Variants in HPGDS observed in about 807,000 individuals in gnomAD.
HPGDS encodes the protein hematopoietic prostaglandin D synthase.
A neutral mutation model predicts 23.1 loss-of-function variants in HPGDS; 26 were observed. That is an observed-to-expected ratio of 1.13 (90% CI 0.83 to 1.56). HPGDS has a LOEUF of 1.56. Ranked by LOEUF, HPGDS falls within the 40% of genes most tolerant of loss-of-function variation. The pLI is 0.00. For missense variants in HPGDS, 268 were observed against 236.4 expected (o/e 1.13, Z -0.88); for synonymous variants, 95 against 77.9 (o/e 1.22, Z -1.16).
chr4:94,340,308 TCTC>T (rs1560597990), intron 1 of HPGDS, among the ~76,000 whole-genome samples: 19 of 39,898 alleles, frequency 4.8e-4, no homozygotes, highest in South Asian at 7.1e-4. Flanking sequence ...TTTCTTTCTT[TCTC>T]TTTTTTTTTT....
intron 3 of HPGDS, 114 bp from the exon 4 acceptor site, chr4:94,308,857 C>A: frequency 1.9e-6 from 1 of 525,470 alleles, no homozygotes; most frequent in South Asian, 3.4e-5. Flanking sequence ...AAACAATATC[C>A]AGTGAAGACT....
In HPGDS at chr4:94,309,500, G is replaced by T. The variant is rs573684604; in HGVS notation, c.227-757C>A. On this transcript the variant is annotated intron_variant, in intron 3 of 5. Coordinates refer to ENST00000295256, the MANE Select transcript of HPGDS (RefSeq NM_014485.3). ...CTGCATAGTATTCCATGGTGTATAT[G>T]TGCCACATTTTCTTAATCCAGTCTA... Among the ~76,000 whole-genome samples the T allele has an allele frequency of 4.6e-3, 702 of 152,138 alleles. 3 individuals are homozygous for T. Among genetic ancestry groups the T allele is most frequent in the African/African-American group, 0.016 (659 of 41,474 alleles).
intron 3 of HPGDS, among the ~76,000 whole-genome samples, chr4:94,315,485 G>GA (rs1553924857): frequency 4.0e-5 from 6 of 151,702 alleles, no homozygotes; most frequent in Non-Finnish European, 8.8e-5. Flanking sequence ...ATAATAGAGG[G>GA]TTTTTTTTCT....
intron 1 of HPGDS, among the ~76,000 whole-genome samples, chr4:94,340,297 CTTTCTTTCTTTCTCTTTTTTTTTTTTT>C (rs1721117019): frequency 2.7e-5 from 1 of 37,438 alleles, no homozygotes; most frequent in African/African-American, 7.1e-5. Context: ...TTCTTTCTTT[CTTTCTTTCTTTCTCTTTTTTTTTTTTT>C]TTTTTTTTTT....
Position 94,299,273 on chromosome 4 carries a change from AATG to A in HPGDS, c.*204_*206del. The A allele has an allele frequency of 2.1e-6, 1 of 486,502 alleles. No individual in the cohort carries two copies. Among genetic ancestry groups the A allele is most frequent in the Non-Finnish European group, 3.6e-6 (1 of 277,790 alleles). The allele number at this position is 486,502 out of a possible 1,614,324, so 30.1% of individuals were successfully genotyped here. ...TACATACTATTTTTCTGTAATTGTAAATGATGAGAAGCTATTCTGAAAGAAAAA... is the reference window on the plus strand; with the variant it reads ...TACATACTATTTTTCTGTAATTGTAAATGAGAAGCTATTCTGAAAGAAAAA... On this transcript the variant is annotated 3_prime_UTR_variant, in exon 6 of 6. Coordinates refer to ENST00000295256, the MANE Select transcript of HPGDS (RefSeq NM_014485.3).
chr4:94,331,529 G>C (rs1328556626), intron 2 of HPGDS, among the ~76,000 whole-genome samples: 1 of 152,110 alleles, frequency 6.6e-6, no homozygotes, highest in Non-Finnish European at 1.5e-5. Context: ...CCAACAGATT[G>C]GGCTGGGCTG....
intron 5 of HPGDS, 26 bp from the exon 6 acceptor site, chr4:94,299,670 A>T: frequency 6.3e-7 from 1 of 1,599,552 alleles, no homozygotes; most frequent in Non-Finnish European, 8.5e-7. Flanking sequence ...CAAACTTTTC[A>T]TTTGAACATA....
At chr4:94,316,264 G>A (rs1052517849) in intron 3 of HPGDS, among the ~76,000 whole-genome samples, 3 of 152,208 alleles carry the variant, frequency 2.0e-5, no homozygotes, top group East Asian at 3.8e-4. Context: ...GGAGGAAGTA[G>A]CAGTATATAG....
chr4:94,321,096 G>C (rs186783540), intron 2 of HPGDS, among the ~76,000 whole-genome samples: 2 of 152,036 alleles, frequency 1.3e-5, no homozygotes, highest in African/African-American at 4.8e-5. Flanking sequence ...TATTTCTGAG[G>C]CCTCTGTTCT....
intron 1 of HPGDS, among the ~76,000 whole-genome samples, chr4:94,337,072 C>T (rs112405204): frequency 0.079 from 11,953 of 152,150 alleles, 1,498 homozygotes; most frequent in African/African-American, 0.26. Context: ...TCAAGCAATT[C>T]TCCTGCCTCA....
At chr4:94,339,531 A>T (rs922543534) in intron 1 of HPGDS, among the ~76,000 whole-genome samples, 5 of 152,236 alleles carry the variant, frequency 3.3e-5, no homozygotes, top group Non-Finnish European at 7.3e-5. Context: ...AATACCCTGG[A>T]TAAAAACTTA....
chr4:94,337,535 G>T (rs1424446650), intron 1 of HPGDS, among the ~76,000 whole-genome samples: 5 of 151,728 alleles, frequency 3.3e-5, no homozygotes, highest in Non-Finnish European at 7.4e-5. Context: ...ATTAGCTGGG[G>T]GTGGTGGCGG....
At chr4:94,310,662 A>G (rs1418569830) in intron 3 of HPGDS, among the ~76,000 whole-genome samples, 1 of 152,102 alleles carries the variant, frequency 6.6e-6, no homozygotes, top group Non-Finnish European at 1.5e-5. Flanking sequence ...TTTTTTTCCA[A>G]TTCTGTGAAG....
At chr4:94,306,737 C>G (rs1273029622) in intron 4 of HPGDS, among the ~76,000 whole-genome samples, 1 of 151,976 alleles carries the variant, frequency 6.6e-6, no homozygotes, top group Admixed American at 6.6e-5. Context: ...ATTTAGAACT[C>G]AAGGACTGAT....
intron 1 of HPGDS, among the ~76,000 whole-genome samples, chr4:94,335,645 A>G (rs1720990722): frequency 6.6e-6 from 1 of 152,214 alleles, no homozygotes; most frequent in African/African-American, 2.4e-5. Context: ...TACGTAGCAC[A>G]ATGGCAAACT....
In HPGDS at chr4:94,302,125, TA is replaced by T; in HGVS notation, c.435+20del. ...TGTCCTTTTATTTGCTTGAATTTTT[TA>T]AGATATAAAACATACTCACAGAGTT... On this transcript the variant is annotated intron_variant, in intron 5 of 5. Coordinates refer to ENST00000295256, the MANE Select transcript of HPGDS (RefSeq NM_014485.3). 1 of 1,543,444 alleles carries T rather than the reference TA, an allele frequency of 6.5e-7. No individual in the cohort carries two copies. Among genetic ancestry groups the T allele is most frequent in the Non-Finnish European group, 8.9e-7 (1 of 1,119,902 alleles).
At position 94,308,622 on chromosome 4, in the gene HPGDS, G is replaced by C. The variant is rs775355536; in HGVS notation, c.336+12C>G. ...ATAATTAATACTAGGAATAGCAAAT[G>C]GATCACATTACTTTCACATCTTGCT... On this transcript the variant is annotated intron_variant, in intron 4 of 5. Transcript: ENST00000295256. 1 of 1,424,280 alleles carries C rather than the reference G, an allele frequency of 7.0e-7. No homozygotes were observed. Among genetic ancestry groups the C allele is most frequent in the Non-Finnish European group, 9.9e-7 (1 of 1,011,972 alleles). The allele number at this position is 1,424,280 out of a possible 1,614,324, so 88.2% of individuals were successfully genotyped here.
At chr4:94,322,738 A>G (rs1326229782) in intron 2 of HPGDS, among the ~76,000 whole-genome samples, 4 of 151,766 alleles carry the variant, frequency 2.6e-5, no homozygotes, top group Non-Finnish European at 5.9e-5. Context: ...GATTTTTTGA[A>G]GGGTTTTTTG....
chr4:94,300,625 C>A (rs1343369623), intron 5 of HPGDS, among the ~76,000 whole-genome samples: 2 of 152,058 alleles, frequency 1.3e-5, no homozygotes, highest in Non-Finnish European at 1.5e-5. Context: ...GTGCCATGCC[C>A]AGGTTTAGGT....
Sources: gnomAD v4.1 joint callset for allele counts (sites outside exome capture counted in the v4.1 genomes callset) on GRCh38, gnomAD v4.1.1 for gene constraint, MANE v1.5 for transcripts, NCBI Gene and HGNC (gene_info 2026-07-23, HGNC 2026-07-21) for gene names.